Variants in CYTH3 observed in about 807,000 individuals in gnomAD.
The protein encoded by CYTH3 is cytohesin-3.
In CYTH3, 23 loss-of-function variants were observed where a neutral mutation model predicts 55.1. The observed-to-expected ratio is 0.42, with a 90% CI of 0.30 to 0.59. The LOEUF (loss-of-function observed/expected upper bound fraction) is 0.59. Ranked by LOEUF, CYTH3 falls within the 20% of genes least tolerant of loss-of-function variation. The probability of loss-of-function intolerance (pLI) is 0.20; values close to 1 mark genes in which losing one functional copy is unlikely to be tolerated. For synonymous variants in CYTH3, 249 were observed against 194.9 expected (o/e 1.28, Z -2.31); for missense variants, 413 against 524.8 (o/e 0.79, Z 2.08).
chr7:6,200,678 A>G (rs761988342), intron 1 of CYTH3, among the ~76,000 whole-genome samples: 1 of 152,126 alleles, frequency 6.6e-6, no homozygotes, highest in Non-Finnish European at 1.5e-5. Context: ...TTAATCCACT[A>G]CATGGAAACT....
At chr7:6,246,887 A>AT (rs530643966) in intron 1 of CYTH3, among the ~76,000 whole-genome samples, 53 of 152,164 alleles carry the variant, frequency 3.5e-4, no homozygotes, top group Admixed American at 1.4e-3. Context: ...CAATGTCAGT[A>AT]TTTTTTTTAA....
intron 1 of CYTH3, among the ~76,000 whole-genome samples, chr7:6,223,089 A>G (rs1037209606): frequency 2.6e-5 from 4 of 152,238 alleles, no homozygotes; most frequent in African/African-American, 9.6e-5. Flanking sequence ...GCGGTCTGGC[A>G]TGTGAGAAGC....
At chr7:6,187,304 A>G (rs1783679749) in intron 3 of CYTH3, among the ~76,000 whole-genome samples, 188 bp from the exon 4 acceptor site, 1 of 152,206 alleles carries the variant, frequency 6.6e-6, no homozygotes, top group Non-Finnish European at 1.5e-5. Context: ...TTCACATTTG[A>G]TAACTTGAGA....
At position 6,170,790 on chromosome 7, in the gene CYTH3, G is replaced by C. The variant is rs1411004305; in HGVS notation, c.711+40C>G. On this transcript the variant is annotated intron_variant, in intron 8 of 12. Transcript: ENST00000350796. The surrounding 1 kb of genome is among the most constrained non-coding windows in gnomAD (Gnocchi z 7.8). The stretch of plus-strand genomic sequence containing the variant: ...GCGCTGCGGCCGCTCACAGCGAAGA[G>C]ATCCTGCAGACGGCAGCGGCCGCGG... 4.4e-6 allele frequency: 7 copies of C among 1,594,784 alleles called. No homozygotes were observed. The East Asian group carries it at 6.8e-5, about 15-fold the overall frequency.
intron 3 of CYTH3, 81 bp from the exon 4 acceptor site, chr7:6,187,197 C>G (rs1583760496): frequency 6.9e-7 from 1 of 1,450,868 alleles, no homozygotes; most frequent in East Asian, 2.3e-5. Flanking sequence ...TGTACTTTCC[C>G]CCGCAACAAC....
intron 1 of CYTH3, among the ~76,000 whole-genome samples, chr7:6,226,637 G>T (rs894464985): frequency 2.0e-5 from 3 of 152,192 alleles, no homozygotes; most frequent in Admixed American, 6.5e-5. Context: ...AACCCGTGTT[G>T]TGAGTATTTG....
Position 6,165,626 on chromosome 7 carries a change from G to T in CYTH3, c.901-10C>A, listed in dbSNP as rs554474156. ...CCCTGGGCTCCTTATCCTACAAGAG[G>T]AAAGTACACGGCGGGGCTCACTGTG... On this transcript the variant is annotated splice_polypyrimidine_tract_variant and intron_variant, in intron 10 of 12. Transcript: ENST00000350796. 1 of 1,613,862 alleles carries T rather than the reference G, an allele frequency of 6.2e-7. No homozygotes were observed. The highest frequency in any genetic ancestry group is 1.3e-5 in the African/African-American group (1 of 75,038).
At chr7:6,241,104 AGAGT>A (rs1358630057) in intron 1 of CYTH3, among the ~76,000 whole-genome samples, 1 of 152,210 alleles carries the variant, frequency 6.6e-6, no homozygotes, top group Non-Finnish European at 1.5e-5. Flanking sequence ...CCTGGGCGAC[AGAGT>A]GAGACTCATC....
intron 1 of CYTH3, among the ~76,000 whole-genome samples, chr7:6,261,901 CACTT>C (rs1176742263): frequency 5.3e-5 from 8 of 152,048 alleles, no homozygotes; most frequent in East Asian, 1.9e-4. Flanking sequence ...CAACAGAACA[CACTT>C]ACAAGGCATC....
chr7:6,193,082 G>A (rs561407919), intron 1 of CYTH3, among the ~76,000 whole-genome samples: 1 of 152,178 alleles, frequency 6.6e-6, no homozygotes, highest in African/African-American at 2.4e-5. Context: ...TGAGGCAGGA[G>A]AATCGCTTGA....
chr7:6,245,741 C>A (rs1308384829), intron 1 of CYTH3, among the ~76,000 whole-genome samples: 4 of 152,148 alleles, frequency 2.6e-5, no homozygotes, highest in Non-Finnish European at 5.9e-5. Flanking sequence ...CCCGTCTCTA[C>A]TAAAAGTACA....
rs1253770983 is a variant in CYTH3, at chr7:6,201,763, G to C, written c.35-11232C>G. Among the ~76,000 whole-genome samples the C allele has an allele frequency of 2.6e-5, 4 of 152,160 alleles. No homozygotes were observed. In the South Asian group the frequency reaches 8.3e-4, roughly 32 times the overall value. The stretch of plus-strand genomic sequence containing the variant: ...GTTCTTAGGGTTCGAAGGCGGAGCG[G>C]ATAGATGATTAACTTTAGACTTGTC... On this transcript the variant is annotated intron_variant, in intron 1 of 12. Coordinates refer to ENST00000350796, the MANE Select transcript of CYTH3 (RefSeq NM_004227.4).
chr7:6,166,678 G>A (rs1783019730), intron 9 of CYTH3, among the ~76,000 whole-genome samples: 2 of 152,162 alleles, frequency 1.3e-5, no homozygotes, highest in African/African-American at 4.8e-5. Context: ...AGAGACCCTG[G>A]GTGAGGAGGA....
chr7:6,214,310 A>G (rs1412474369), intron 1 of CYTH3, among the ~76,000 whole-genome samples: 1 of 152,230 alleles, frequency 6.6e-6, no homozygotes, highest in Non-Finnish European at 1.5e-5. Context: ...AAATGTTGAA[A>G]AGTATTTTGA....
At chr7:6,268,466 G>A (rs751614793) in intron 1 of CYTH3, among the ~76,000 whole-genome samples, 6 of 152,142 alleles carry the variant, frequency 3.9e-5, no homozygotes, top group African/African-American at 1.2e-4. Context: ...CGCCGCGCCC[G>A]GCCTGCTCTT....
chr7:6,259,834 T>TATATATATAATATATATATATATATATA (rs58539237), intron 1 of CYTH3, among the ~76,000 whole-genome samples: 1 of 16,558 alleles, frequency 6.0e-5, no homozygotes, highest in Non-Finnish European at 9.0e-5. Context: ...ATATATATAT[T>TATATATATAATATATATATATATATATA]TTTTTTTTTT....
At chr7:6,212,468 C>G (rs1362281786) in intron 1 of CYTH3, among the ~76,000 whole-genome samples, 1 of 152,132 alleles carries the variant, frequency 6.6e-6, no homozygotes, top group East Asian at 1.9e-4. Flanking sequence ...TCTACTTTGT[C>G]TCTATGAATT....
intron 1 of CYTH3, among the ~76,000 whole-genome samples, chr7:6,197,635 A>T (rs777588895): frequency 6.6e-6 from 1 of 152,192 alleles, no homozygotes; most frequent in African/African-American, 2.4e-5. Flanking sequence ...GTGAGCCAAG[A>T]TCATGCCATT....
Position 6,192,878 on chromosome 7 carries a change from TG to T in CYTH3, c.35-2348del, listed in dbSNP as rs1745524430. Among the ~76,000 whole-genome samples the T allele has an allele frequency of 7.3e-5, 11 of 151,684 alleles. No individual in the cohort carries two copies. The South Asian group carries it at 2.3e-3, about 32-fold the overall frequency. On this transcript the variant is annotated intron_variant, in intron 1 of 12. Transcript: ENST00000350796. ...ACATAACAACTCCGTGCTTAGAAAATGGGCAAATGGGGCCAGACACAGTGGC... is the reference window on the plus strand; with the variant it reads ...ACATAACAACTCCGTGCTTAGAAAATGGCAAATGGGGCCAGACACAGTGGC...
Sources: allele counts gnomAD v4.1 joint callset (sites outside exome capture counted in the v4.1 genomes callset), GRCh38; gene constraint gnomAD v4.1.1; non-coding constraint Gnocchi (gnomAD v3.1); transcripts MANE v1.5; gene names NCBI Gene and HGNC (gene_info 2026-07-23, HGNC 2026-07-21).